Variants in LSR observed in about 807,000 individuals in gnomAD.
LSR encodes lipolysis-stimulated lipoprotein receptor.
LSR carries 44 observed loss-of-function variants against 61.8 expected under a neutral mutation model. The observed-to-expected ratio is 0.71, with a 90% CI of 0.56 to 0.91. LSR has a LOEUF of 0.91. LSR is among the 40% of genes least tolerant of loss of function. The probability of loss-of-function intolerance (pLI) is 0.00; values close to 1 mark genes in which losing one functional copy is unlikely to be tolerated. For missense variants in LSR, 911 were observed against 830.5 expected, an observed-to-expected ratio of 1.10 and a Z score of -1.19; for synonymous variants, 397 against 350.6, an observed-to-expected ratio of 1.13 and a Z score of -1.48.
At position 35,251,871 on chromosome 19, in the gene LSR, G is replaced by C. The variant is rs937678563; in HGVS notation, c.454+1212G>C. ...TTTTTTTGAGACGGAGTCTCGCTCT[G>C]TCGCCCAGGCTGGAGTGCAGTGGCG... On this transcript the variant is annotated intron_variant, in intron 2 of 9. Coordinates refer to ENST00000605618, the MANE Select transcript of LSR (RefSeq NM_205834.4). Among the ~76,000 whole-genome samples, 3 of 81,614 alleles carry C rather than the reference G, an allele frequency of 3.7e-5. No individual in the cohort carries two copies. The Admixed American group carries it at 4.3e-4, about 12-fold the overall frequency. The allele number at this position is 81,614 out of a possible 152,430, so 53.5% of individuals were successfully genotyped here. A position where few individuals can be genotyped will look rare whatever the true frequency, so the allele number is the denominator to read the frequency against.
chr19:35,258,807 A>C, intron 2 of LSR, 138 bp from the exon 3 acceptor site: 1 of 1,034,624 alleles, frequency 9.7e-7, no homozygotes, highest in African/African-American at 1.6e-5. Context: ...GAATCTTTGC[A>C]TATGCATTTG....
chr19:35,267,810 T>C lies in LSR; in HGVS notation c.1771-14T>C, dbSNP rs2066047192. On this transcript the variant is annotated splice_polypyrimidine_tract_variant and intron_variant, in intron 9 of 9. Coordinates refer to ENST00000605618, the MANE Select transcript of LSR (RefSeq NM_205834.4). Reference sequence around the variant, plus strand: ...TCCCCGCGGCTCATACCCTTCTTTCTTTCTCCCTTGCAGAACTTGGCCCTG... The same window carrying C: ...TCCCCGCGGCTCATACCCTTCTTTCCTTCTCCCTTGCAGAACTTGGCCCTG... 2 of 1,613,896 alleles carry C rather than the reference T, an allele frequency of 1.2e-6. No individual in the cohort carries two copies. Among genetic ancestry groups the C allele is most frequent in the East Asian group, 4.5e-5 (2 of 44,848 alleles).
intron 1 of LSR, chr19:35,249,368 G>T: frequency 1.9e-6 from 1 of 525,742 alleles, no homozygotes; most frequent in East Asian, 3.5e-5. Flanking sequence ...CTCCCTGGAC[G>T]GTGAGACCCG....
At chr19:35,262,906 T>C in intron 5 of LSR, 4 of 589,468 alleles carry the variant, frequency 6.8e-6, no homozygotes, top group Non-Finnish European at 1.2e-5. Context: ...GTTCTTTTCT[T>C]TTGTAAGTAT....
At chr19:35,265,216 T>C (rs1048790688) in intron 5 of LSR, among the ~76,000 whole-genome samples, 13 of 152,160 alleles carry the variant, frequency 8.5e-5, no homozygotes, top group Admixed American at 6.5e-4. Context: ...ATTTCACAGA[T>C]GGGCTGCAAC....
chr19:35,260,743 C>T (rs2065916735), intron 3 of LSR, among the ~76,000 whole-genome samples: 1 of 152,080 alleles, frequency 6.6e-6, no homozygotes. Context: ...AGGAGTATCG[C>T]TTGCACCCAG....
At position 35,267,505 on chromosome 19, in the gene LSR, C is replaced by G; in HGVS notation, c.1541C>G (p.Ala514Gly). ...TTCAGGTCTCGGGAGCGCCCTCCTG[C>G]CGACCCCAGGTCCCACCACCACCGT... is the stretch of plus-strand genomic sequence containing the variant. ...DDFRSRERPP[A>G]DPRSHHHRTR... The change falls in exon 9 of 10, where the codon GCC becomes GGC. Residue 514 changes from alanine to glycine, a missense_variant. Transcript: ENST00000605618. 6.2e-7 allele frequency: 1 copy of G among 1,611,414 alleles called. No homozygotes were observed. The highest frequency in any genetic ancestry group is 2.2e-5 in the East Asian group (1 of 44,862).
At position 35,266,519 on chromosome 19, in the gene LSR, C is replaced by G. The variant is rs1223500336; in HGVS notation, c.939C>G (p.Asp313Glu). 6.2e-7 allele frequency: 1 copy of G among 1,606,154 alleles called. No homozygotes were observed. Among genetic ancestry groups the G allele is most frequent in the South Asian group, 1.1e-5 (1 of 90,010 alleles). Residue 313 changes from aspartate (D) to glutamate (E), a missense_variant, in exon 6 of 10, where the codon GAC (aspartate) becomes GAG (glutamate). Asp to Glu is a conservative substitution (Grantham distance 45). Coordinates refer to ENST00000605618, the MANE Select transcript of LSR (RefSeq NM_205834.4). ...CTGGAGGATACCCTGGAGACGTTGA[C>G]AGGAGTAGCTCAGGTGAGGCCGGGG... ...GYPGGYPGDV[D>E]RSSSAGGQGS... is the part of the protein sequence containing the mutation.
intron 2 of LSR, among the ~76,000 whole-genome samples, chr19:35,256,627 T>C (rs1002233619): frequency 6.6e-6 from 1 of 152,196 alleles, no homozygotes; most frequent in African/African-American, 2.4e-5. Context: ...GTTTGAGAAC[T>C]GTTGCTGTGG....
chr19:35,262,090 A>T, intron 4 of LSR, 109 bp downstream of exon 4: 1 of 1,034,288 alleles, frequency 9.7e-7, no homozygotes, highest in Non-Finnish European at 1.4e-6. Flanking sequence ...CTCACTGTGG[A>T]CCCCTCACTA....
chr19:35,267,276 G>T lies in LSR; in HGVS notation c.1312G>T (p.Ala438Ser). 1 of 1,516,732 alleles carries T rather than the reference G, an allele frequency of 6.6e-7. No homozygotes were observed. Among genetic ancestry groups the T allele is most frequent in the South Asian group, 1.3e-5 (1 of 79,074 alleles). The allele number at this position is 1,516,732 out of a possible 1,614,324, so 94.0% of individuals were successfully genotyped here. The change falls in exon 9 of 10, where the codon GCC becomes TCC. Residue 438 changes from alanine (A) to serine (S), a missense_variant. Physicochemically the swap from Ala to Ser is moderately conservative, Grantham distance 99 (BLOSUM62 1). Coordinates refer to ENST00000605618, the MANE Select transcript of LSR (RefSeq NM_205834.4). ...AREQAGGGWR[A>S]RRPRARSVDA... is the part of the protein sequence containing the mutation. ...GGAGCAGGCAGGCGGGGGCTGGCGG[G>T]CCAGGCGGCCCCGGGCCCGCTCCGT...
Position 35,249,144 on chromosome 19 carries a change from G to C in LSR, c.109+13G>C. On this transcript the variant is annotated intron_variant, in intron 1 of 9. Transcript: ENST00000605618. ...ACCTGGTGCACAGGTACGGGGCACG[G>C]GGCCTCTGACGCTGCGGAACGCCGG... The C allele has an allele frequency of 2.6e-6, 4 of 1,524,292 alleles. No individual in the cohort carries two copies. The highest frequency in any genetic ancestry group is 1.3e-5 in the South Asian group (1 of 79,794). 94.4% of individuals were successfully genotyped at this position (1,524,292 alleles called of 1,614,324 possible). A position where few individuals can be genotyped will look rare whatever the true frequency, so the allele number is the denominator to read the frequency against.
chr19:35,252,997 G>A (rs1317612203), intron 2 of LSR, among the ~76,000 whole-genome samples: 1 of 151,810 alleles, frequency 6.6e-6, no homozygotes, highest in Non-Finnish European at 1.5e-5. Context: ...TTCCAGCCTG[G>A]GTGACAGAGT....
chr19:35,260,253 T>C (rs2065909595), intron 3 of LSR, among the ~76,000 whole-genome samples: 1 of 151,994 alleles, frequency 6.6e-6, no homozygotes, highest in South Asian at 2.1e-4. Flanking sequence ...TGTCTATCTG[T>C]TGCTTAACAT....
chr19:35,266,894 GTAC>G lies in LSR; in HGVS notation c.1075_1077del (p.Tyr359del). ...AGCAGGACGACTCCATGCGGGTCCT[GTAC>G]TACATGGAGAAGGAGCTGGCCAACT... On this transcript the variant is annotated inframe_deletion, in exon 8 of 10. Coordinates refer to ENST00000605618, the MANE Select transcript of LSR (RefSeq NM_205834.4). The G allele has an allele frequency of 6.2e-7, 1 of 1,613,598 alleles. No individual in the cohort carries two copies.
chr19:35,265,933 TTTA>T (rs1281107198), intron 5 of LSR, among the ~76,000 whole-genome samples: 1 of 152,196 alleles, frequency 6.6e-6, no homozygotes, highest in East Asian at 1.9e-4. Context: ...GCATCTGGGC[TTTA>T]TATAAAGGGC....
At chr19:35,250,705 G>A (rs368123035) in intron 2 of LSR, 46 bp downstream of exon 2, 2 of 1,448,060 alleles carry the variant, frequency 1.4e-6, no homozygotes, top group African/African-American at 2.8e-5. Context: ...TGCCCGGGTG[G>A]TGGGACTGGC....
chr19:35,259,671 A>G (rs1222821694), intron 3 of LSR, among the ~76,000 whole-genome samples: 1 of 151,528 alleles, frequency 6.6e-6, no homozygotes, highest in East Asian at 1.9e-4. Flanking sequence ...GTCAGAGTCC[A>G]TGGGCAGTGA....
rs1599608046 is a variant in LSR at position 35,266,511 on chromosome 19, G to A, written c.931G>A (p.Asp311Asn). The A allele has an allele frequency of 6.2e-7, 1 of 1,608,044 alleles. No individual in the cohort carries two copies. ...CGGGTACCCTGGAGGATACCCTGGA[G>A]ACGTTGACAGGAGTAGCTCAGGTGA... ...YNGYPGGYPG[D>N]VDRSSSAGGQ... The change falls in exon 6 of 10, where the codon GAC becomes AAC. Residue 311 changes from aspartate to asparagine, a missense_variant. Asp to Asn is a conservative substitution (Grantham distance 23, BLOSUM62 1). Transcript: ENST00000605618.
Sources: allele counts gnomAD v4.1 joint callset (sites outside exome capture counted in the v4.1 genomes callset), GRCh38; gene constraint gnomAD v4.1.1; transcripts MANE v1.5; gene names NCBI Gene and HGNC (gene_info 2026-07-23, HGNC 2026-07-21).